The following NSD1 variants were observed in gnomAD, a reference collection of about 807,000 sequenced individuals.
NSD1 encodes the protein histone-lysine N-methyltransferase, H3 lysine-36 specific.
In NSD1, 26 loss-of-function variants were observed where a neutral mutation model predicts 242.7. The observed-to-expected ratio is 0.11, with a 90% confidence interval of 0.08 to 0.15. The LOEUF is 0.15. Ranked by LOEUF, NSD1 falls within the 10% of genes least tolerant of loss-of-function variation. NSD1 has a pLI of 1.00. For synonymous variants in NSD1, 1,106 were observed against 1,178.1 expected (o/e 0.94, Z 1.25); for missense variants, 2,495 against 3,272.8 (o/e 0.76, Z 5.80).
intron 2 of NSD1, among the ~76,000 whole-genome samples, chr5:177,151,972 T>A (rs1757747113): frequency 6.6e-6 from 1 of 152,074 alleles, no homozygotes; most frequent in South Asian, 2.1e-4. Flanking sequence ...GCCATTCTCC[T>A]GCCTCAGCCT....
chr5:177,255,014 G>T (rs1050635762), intron 12 of NSD1, among the ~76,000 whole-genome samples: 1 of 152,040 alleles, frequency 6.6e-6, no homozygotes, highest in Non-Finnish European at 1.5e-5. Flanking sequence ...TCATTGTTTA[G>T]ATTGCTTAGG....
chr5:177,199,500 T>C (rs1032073096), intron 3 of NSD1, among the ~76,000 whole-genome samples: 1 of 152,238 alleles, frequency 6.6e-6, no homozygotes. Flanking sequence ...CAAACAGTCT[T>C]CTTGCCTTGG....
intron 2 of NSD1, among the ~76,000 whole-genome samples, chr5:177,143,700 A>G (rs557232382): frequency 2.0e-5 from 3 of 151,928 alleles, no homozygotes; most frequent in African/African-American, 7.2e-5. Context: ...AAGTCCCTTA[A>G]TGTCTCTAAG....
chr5:177,194,117 A>G (rs1761912779), intron 3 of NSD1, among the ~76,000 whole-genome samples: 2 of 152,056 alleles, frequency 1.3e-5, no homozygotes, highest in Admixed American at 6.6e-5. Context: ...TTTTTCATAT[A>G]AATTATATTT....
intron 5 of NSD1, among the ~76,000 whole-genome samples, chr5:177,230,673 A>G (rs1764987675): frequency 6.6e-6 from 1 of 152,022 alleles, no homozygotes; most frequent in Non-Finnish European, 1.5e-5. Flanking sequence ...TAAAAATCCG[A>G]AAAATGAGCC....
At position 177,204,134 on chromosome 5, in the gene NSD1, C is replaced by T. The variant is rs2149836107; in HGVS notation, c.1078C>T (p.Pro360Ser). 1 of 1,613,956 alleles carries T rather than the reference C, an allele frequency of 6.2e-7. No homozygotes were observed. Among genetic ancestry groups the T allele is most frequent in the East Asian group, 2.2e-5 (1 of 44,872 alleles). Residue 360 changes from proline (P) to serine (S), a missense_variant, in exon 4 of 23, where the codon CCC (proline) becomes TCC (serine). Transcript: ENST00000439151. Reference protein sequence around the residue: ...HSKMKVSNRRPYRQYYVEAFG... With the variant: ...HSKMKVSNRRSYRQYYVEAFG... ...CCCTTACCTAGTTTCCAACCGGAGG[C>T]CCTATCGGCAGTACTACGTGGAGGC...
rs530667065 is a variant in NSD1 at position 177,281,742 on chromosome 5, T to G, written c.5893-723T>G. 4.0e-3 allele frequency among the ~76,000 whole-genome samples: 609 copies of G among 152,300 alleles called. 3 individuals are homozygous for G. Among genetic ancestry groups the G allele is most frequent in the Non-Finnish European group, 7.3e-3 (497 of 68,020 alleles). ...ATCTCCGCTCACTGCAACCTTCAAC[T>G]TCCAGGCTCAAGTGATCCTCCCATC... On this transcript the variant is annotated intron_variant, in intron 18 of 22. Transcript: ENST00000439151.
At chr5:177,179,522 T>C (rs757875829) in intron 2 of NSD1, among the ~76,000 whole-genome samples, 19 of 152,312 alleles carry the variant, frequency 1.2e-4, no homozygotes, top group Admixed American at 3.3e-4. Flanking sequence ...GCTAGTTTTG[T>C]TTTTTAAATT....
intron 17 of NSD1, among the ~76,000 whole-genome samples, chr5:177,277,498 G>C (rs1758493289): frequency 6.6e-6 from 1 of 152,104 alleles, no homozygotes; most frequent in African/African-American, 2.4e-5. Context: ...CTTAACTCCT[G>C]ATCTATAGTG....
chr5:177,261,757 GT>G (rs1757017528), intron 14 of NSD1, among the ~76,000 whole-genome samples: 1 of 152,104 alleles, frequency 6.6e-6, no homozygotes, highest in Non-Finnish European at 1.5e-5. Context: ...CTATTTTCTA[GT>G]GATGAGAGTG....
intron 15 of NSD1, among the ~76,000 whole-genome samples, chr5:177,268,479 ATAAAAT>A (rs1328739498): frequency 1.3e-5 from 2 of 152,116 alleles, no homozygotes; most frequent in Non-Finnish European, 2.9e-5. Flanking sequence ...TATAATAATA[ATAAAAT>A]TAAAAAATAT....
rs1174250871 is a variant in NSD1 at position 177,260,339 on chromosome 5, C to CTTTTTTTT, written c.5146+189_5146+196dup. On this transcript the variant is annotated intron_variant, in intron 14 of 22. Coordinates refer to ENST00000439151, the MANE Select transcript of NSD1 (RefSeq NM_022455.5). ...CCGAATTAATGATTACATAGCAGAA[C>CTTTTTTTT]TTTTTTTTTTTTTTTTTTTTTTTTT... 9.6e-4 allele frequency among the ~76,000 whole-genome samples: 82 copies of CTTTTTTTT among 85,842 alleles called. 3 individuals are homozygous for CTTTTTTTT. The highest frequency in any genetic ancestry group is 1.4e-3 in the Non-Finnish European group (67 of 46,282). 56.3% of individuals were successfully genotyped at this position (85,842 alleles called of 152,430 possible).
intron 20 of NSD1, among the ~76,000 whole-genome samples, chr5:177,287,245 G>A (rs1318267471): frequency 6.6e-6 from 1 of 152,224 alleles, no homozygotes; most frequent in Non-Finnish European, 1.5e-5. Flanking sequence ...GTTATGACAA[G>A]TATCCTGCTT....
chr5:177,181,427 G>GTTGTTTTTTT lies in NSD1; in HGVS notation c.928-10455_928-10454insGTTTTTTTTT, dbSNP rs1554183366. Among the ~76,000 whole-genome samples the GTTGTTTTTTT allele has an allele frequency of 3.5e-4, 41 of 117,330 alleles. 1 individual carries two copies. The highest frequency in any genetic ancestry group is 1.5e-3 in the African/African-American group (40 of 27,214). The allele number at this position is 117,330 out of a possible 152,430, so 77.0% of individuals were successfully genotyped here. A position where few individuals can be genotyped will look rare whatever the true frequency, so the allele number is the denominator to read the frequency against. ...AAACTTCATTATGGGTTTTTTTTTGGTTTTTTTTTTTTTTTTTTGGCAGGT... is the reference window on the plus strand; with the variant it reads ...AAACTTCATTATGGGTTTTTTTTTGGTTGTTTTTTTTTTTTTTTTTTTTTTTTTGGCAGGT... On this transcript the variant is annotated intron_variant, in intron 2 of 22. Coordinates refer to ENST00000439151, the MANE Select transcript of NSD1 (RefSeq NM_022455.5).
chr5:177,228,501 G>A (rs1037080048), intron 5 of NSD1, among the ~76,000 whole-genome samples: 1 of 151,938 alleles, frequency 6.6e-6, no homozygotes, highest in African/African-American at 2.4e-5. Flanking sequence ...ACAGGCGCGA[G>A]TCACCAGCCC....
chr5:177,267,977 A>G (rs1042726857), intron 15 of NSD1, among the ~76,000 whole-genome samples: 1 of 150,754 alleles, frequency 6.6e-6, no homozygotes, highest in Non-Finnish European at 1.5e-5. Flanking sequence ...TTTTAAATGA[A>G]AAGACAGTAA....
intron 20 of NSD1, among the ~76,000 whole-genome samples, chr5:177,288,256 T>C (rs1759494733): frequency 6.6e-6 from 1 of 152,244 alleles, no homozygotes; most frequent in Non-Finnish European, 1.5e-5. Flanking sequence ...TTTTGTCATA[T>C]TGTCTCAATA....
intron 2 of NSD1, among the ~76,000 whole-genome samples, chr5:177,190,072 C>T (rs1562177975): frequency 1.3e-5 from 2 of 151,986 alleles, no homozygotes; most frequent in Non-Finnish European, 2.9e-5. Flanking sequence ...AGTCCTCCTA[C>T]CTGTCTCCCA....
intron 2 of NSD1, among the ~76,000 whole-genome samples, chr5:177,143,947 G>A (rs751639907): frequency 6.6e-6 from 1 of 151,856 alleles, no homozygotes; most frequent in African/African-American, 2.4e-5. Flanking sequence ...CACCATGCCC[G>A]ACTAATTTTG....
Sources: gnomAD v4.1 joint callset for allele counts (sites outside exome capture counted in the v4.1 genomes callset) on GRCh38, gnomAD v4.1.1 for gene constraint, MANE v1.5 for transcripts, NCBI Gene and HGNC (gene_info 2026-07-23, HGNC 2026-07-21) for gene names.